ZNF680: variants seen among roughly 807,000 people sequenced by gnomAD.
The protein encoded by ZNF680 is hypothetical protein FLJ90430.
ZNF680 carries 6 observed loss-of-function variants against 12.1 expected under a neutral mutation model. That is an observed-to-expected ratio of 0.49 (90% confidence interval 0.27 to 0.98). The LOEUF is 0.98. Among genes scored for constraint, ZNF680 ranks in the 50% least tolerant of loss-of-function variants. The pLI is 0.12. For missense variants in ZNF680, 561 were observed against 616.3 expected (o/e 0.91, Z 0.95); for synonymous variants, 170 against 199.3 (o/e 0.85, Z 1.24).
At chr7:64,506,604 ATTAT>A in the ZNF680 span, among the ~76,000 whole-genome samples, 1 of 152,202 alleles carries the variant, frequency 6.6e-6, no homozygotes, top group Non-Finnish European at 1.5e-5. Context: ...TCTGGCTTAA[ATTAT>A]TTCTCTTTAA....
chr7:64,547,371 G>A (rs1786841098), intron 1 of ZNF680, among the ~76,000 whole-genome samples: 1 of 152,132 alleles, frequency 6.6e-6, no homozygotes, highest in South Asian at 2.1e-4. Context: ...TTCTTTGCTG[G>A]TCCTTTAAAG....
chr7:64,504,169 T>C, the ZNF680 span, among the ~76,000 whole-genome samples: 7 of 152,224 alleles, frequency 4.6e-5, no homozygotes, highest in Admixed American at 3.9e-4. Context: ...ACCAAATGCT[T>C]TTTATTAAAA....
At chr7:64,541,182 T>C (rs2116477442) in intron 3 of ZNF680, among the ~76,000 whole-genome samples, 1 of 152,326 alleles carries the variant, frequency 6.6e-6, no homozygotes, top group South Asian at 2.1e-4. Flanking sequence ...GTGAAAATCC[T>C]GTAATTCCTG....
chr7:64,533,155 G>A (rs143713595), intron 3 of ZNF680, among the ~76,000 whole-genome samples: 5,948 of 152,202 alleles, frequency 0.039, 375 homozygotes, highest in East Asian at 0.32. Flanking sequence ...ACATAGCACT[G>A]GAAGTCCTAG....
downstream of ZNF680, among the ~76,000 whole-genome samples, chr7:64,515,445 C>T (rs757376159): frequency 2.4e-4 from 36 of 152,076 alleles, no homozygotes; most frequent in Non-Finnish European, 4.9e-4. Context: ...GTTAGGGTTT[C>T]CACTCCTGAG....
chr7:64,526,475 G>A, intron 3 of ZNF680: 1 of 1,225,802 alleles, frequency 8.2e-7, no homozygotes. Context: ...AAGATAACTT[G>A]AGACCAGGAG....
At chr7:64,499,719 G>C in the ZNF680 span, among the ~76,000 whole-genome samples, 1 of 152,186 alleles carries the variant, frequency 6.6e-6, no homozygotes, top group Non-Finnish European at 1.5e-5. Flanking sequence ...ACTCCGGCCT[G>C]GGTGACACAG....
chr7:64,562,379 A>G (rs2116582810), intron 1 of ZNF680, among the ~76,000 whole-genome samples: 1 of 152,312 alleles, frequency 6.6e-6, no homozygotes, highest in South Asian at 2.1e-4. Context: ...GATCTTACAA[A>G]TTAAGAAGTT....
chr7:64,533,195 G>A (rs1189630156), intron 3 of ZNF680, among the ~76,000 whole-genome samples: 2 of 152,098 alleles, frequency 1.3e-5, no homozygotes, highest in Non-Finnish European at 2.9e-5. Context: ...GAAATAAAGG[G>A]CATCCAAATC....
intron 3 of ZNF680, among the ~76,000 whole-genome samples, chr7:64,542,657 A>C (rs1275294062): frequency 6.6e-6 from 1 of 152,204 alleles, no homozygotes; most frequent in East Asian, 1.9e-4. Flanking sequence ...AGGAGGTAAA[A>C]AAATCTTTAC....
At chr7:64,510,629 G>A in the ZNF680 span, among the ~76,000 whole-genome samples, 6 of 151,638 alleles carry the variant, frequency 4.0e-5, no homozygotes, top group African/African-American at 7.3e-5. Flanking sequence ...ATAAAATATC[G>A]GCCGGGCGCG....
chr7:64,524,304 T>C (rs1421566720), intron 3 of ZNF680, among the ~76,000 whole-genome samples: 3 of 151,738 alleles, frequency 2.0e-5, no homozygotes, highest in Admixed American at 2.0e-4. Flanking sequence ...CCCACCACCA[T>C]ACCCAGCTAA....
the ZNF680 span, among the ~76,000 whole-genome samples, chr7:64,514,759 C>A: frequency 1.4e-4 from 22 of 152,216 alleles, no homozygotes; most frequent in South Asian, 1.4e-3. Flanking sequence ...CATTGCTAAT[C>A]TTGGCTGGGT....
chr7:64,559,584 A>G (rs2116569727), intron 1 of ZNF680, among the ~76,000 whole-genome samples: 1 of 151,932 alleles, frequency 6.6e-6, no homozygotes, highest in Non-Finnish European at 1.5e-5. Context: ...GGGTTCAAGC[A>G]ATTCTCCTGC....
intron 1 of ZNF680, among the ~76,000 whole-genome samples, chr7:64,550,768 G>A (rs761832061): frequency 1.3e-5 from 2 of 152,166 alleles, no homozygotes; most frequent in African/African-American, 4.8e-5. Context: ...TTCTGCCTGC[G>A]TATTTAGGGG....
chr7:64,528,632 G>A (rs1208415950), intron 3 of ZNF680, among the ~76,000 whole-genome samples: 1 of 152,016 alleles, frequency 6.6e-6, no homozygotes. Flanking sequence ...CATTGACCTG[G>A]GAACTTCACC....
intron 3 of ZNF680, among the ~76,000 whole-genome samples, chr7:64,540,436 C>T (rs2116474415): frequency 6.6e-6 from 1 of 151,904 alleles, no homozygotes; most frequent in South Asian, 2.1e-4. Flanking sequence ...TCCCAAGTAG[C>T]TGGGACTACA....
downstream of ZNF680, among the ~76,000 whole-genome samples, chr7:64,515,845 C>T (rs575564599): frequency 1.6e-3 from 248 of 152,224 alleles, 1 homozygote; most frequent in African/African-American, 5.7e-3. Flanking sequence ...AACTATACAG[C>T]GGCTCCTATA....
At chr7:64,501,012 C>T in the ZNF680 span, 1 of 688,272 alleles carries the variant, frequency 1.5e-6, no homozygotes, top group South Asian at 1.5e-5. Flanking sequence ...GAGAGAAATG[C>T]CCCGGCTGCT....
Sources: allele counts gnomAD v4.1 joint callset (sites outside exome capture counted in the v4.1 genomes callset), GRCh38; gene constraint gnomAD v4.1.1; transcripts MANE v1.5; gene names NCBI Gene and HGNC (gene_info 2026-07-23, HGNC 2026-07-21).